RYR2: variants seen among roughly 807,000 people sequenced by gnomAD.
RYR2 encodes the protein cardiac muscle ryanodine receptor-calcium release channel.
RYR2 carries 227 observed loss-of-function variants against 601.1 expected under a neutral mutation model. The ratio of observed to expected loss-of-function variants is 0.38; its 90% CI spans 0.34 to 0.42. The LOEUF (loss-of-function observed/expected upper bound fraction) is 0.42, where lower values mean the gene tolerates loss of function less well. RYR2 is among the 10% of genes least tolerant of loss of function. RYR2 has a pLI of 1.00. For missense variants in RYR2, 4,646 were observed against 6,156.5 expected, an observed-to-expected ratio of 0.75 and a Z score of 8.21; for synonymous variants, 2,223 against 2,175.1, an observed-to-expected ratio of 1.02 and a Z score of -0.61.
intron 101 of RYR2, among the ~76,000 whole-genome samples, chr1:237,826,601 A>G (rs6673193): frequency 0.03 from 4,559 of 152,102 alleles, 219 homozygotes; most frequent in African/African-American, 0.1. Flanking sequence ...TGTGTAACAA[A>G]CCTGCACGTT....
In RYR2 at chr1:237,491,896, T is replaced by A; in HGVS notation, c.1799T>A (p.Leu600His). 8 of 1,381,390 alleles carry A rather than the reference T, an allele frequency of 5.8e-6. No individual in the cohort carries two copies. The highest frequency in any genetic ancestry group is 8.0e-6 in the Non-Finnish European group (8 of 994,720). The allele number at this position is 1,381,390 out of a possible 1,614,324, so 85.6% of individuals were successfully genotyped here. Residue 600 changes from leucine (L) to histidine (H), a missense_variant, in exon 18 of 105, where the codon CTT becomes CAT. Around this residue, in one of 17 missense-constraint regions of RYR2, gnomAD observed 1,807 missense variants for 2,088.1 expected, o/e 0.87. Transcript: ENST00000366574. ...KEGHIKSIISLLDKHGRNHKV... is the reference protein window; with the variant it reads ...KEGHIKSIISHLDKHGRNHKV... ...GGACATATTAAATCTATTATCTCAC[T>A]TTTAGACAAACATGGAAGAAATCAC... is the stretch of plus-strand genomic sequence containing the variant.
chr1:237,523,802 G>A (rs574669118), intron 24 of RYR2, among the ~76,000 whole-genome samples: 1 of 149,962 alleles, frequency 6.7e-6, no homozygotes, highest in East Asian at 1.9e-4. Context: ...GGCTAATAAA[G>A]TGCAATCAAG....
At chr1:237,745,780 C>T (rs756519926) in intron 80 of RYR2, among the ~76,000 whole-genome samples, 2 of 152,026 alleles carry the variant, frequency 1.3e-5, no homozygotes, top group African/African-American at 2.4e-5. Flanking sequence ...CAATTAATCC[C>T]AAAACAGAGG....
intron 17 of RYR2, among the ~76,000 whole-genome samples, chr1:237,485,206 TCA>T (rs1662551616): frequency 6.6e-6 from 1 of 152,252 alleles, no homozygotes; most frequent in Admixed American, 6.5e-5. Context: ...ATAAAGTATT[TCA>T]GTTATTCTAT....
chr1:237,339,640 ATG>A (rs1223222706), intron 3 of RYR2, among the ~76,000 whole-genome samples: 1 of 152,120 alleles, frequency 6.6e-6, no homozygotes, highest in Non-Finnish European at 1.5e-5. Context: ...AGGACACAAA[ATG>A]TCCAGAGGAA....
chr1:237,547,071 T>C (rs1278872897), intron 25 of RYR2, among the ~76,000 whole-genome samples: 1 of 150,824 alleles, frequency 6.6e-6, no homozygotes, highest in Non-Finnish European at 1.5e-5. Context: ...AGTGGCGTGA[T>C]CTCTCCTCAC....
chr1:237,102,041 A>T (rs1483782790), intron 1 of RYR2, among the ~76,000 whole-genome samples: 1 of 152,158 alleles, frequency 6.6e-6, no homozygotes, highest in African/African-American at 2.4e-5. Context: ...ATTGCTGTGG[A>T]CTGTGGTGTG....
At chr1:237,594,074 TGAG>T (rs1182359630) in intron 33 of RYR2, among the ~76,000 whole-genome samples, 3 of 152,214 alleles carry the variant, frequency 2.0e-5, no homozygotes, top group South Asian at 2.1e-4. Flanking sequence ...GAACTCGGAC[TGAG>T]GAGAAGTGGG....
At chr1:237,293,274 T>C (rs1248964338) in intron 2 of RYR2, among the ~76,000 whole-genome samples, 1 of 152,178 alleles carries the variant, frequency 6.6e-6, no homozygotes, top group East Asian at 1.9e-4. Flanking sequence ...TGACACAGAC[T>C]CAGCTCACTT....
At chr1:237,336,198 A>G (rs2149591295) in intron 3 of RYR2, among the ~76,000 whole-genome samples, 1 of 152,268 alleles carries the variant, frequency 6.6e-6, no homozygotes, top group Non-Finnish European at 1.5e-5. Flanking sequence ...ACTTTTTAGA[A>G]TCATTTCCAA....
rs532029439 is a variant in RYR2 at position 237,819,228 on chromosome 1, A to G, written c.14590+36A>G. 3.8e-6 allele frequency: 6 copies of G among 1,582,412 alleles called. No homozygotes were observed. In the South Asian group the frequency reaches 6.7e-5, roughly 18 times the overall value. On this transcript the variant is annotated intron_variant, in intron 101 of 104. Coordinates refer to ENST00000366574, the MANE Select transcript of RYR2 (RefSeq NM_001035.3). This position sits in a 1 kb window ranked among gnomAD's most constrained non-coding sequence, Gnocchi z 4.0. ...TCCTCACTGAAGCTGATGAACATCT[A>G]GAATTTGAGCCACATGTTGCTGAAG...
At chr1:237,204,255 C>G (rs533880642) in intron 1 of RYR2, among the ~76,000 whole-genome samples, 1 of 151,950 alleles carries the variant, frequency 6.6e-6, no homozygotes, top group Non-Finnish European at 1.5e-5. Flanking sequence ...GTGATCCACC[C>G]GCCTTGGCTT....
chr1:237,363,569 T>A (rs1241684716), intron 4 of RYR2, among the ~76,000 whole-genome samples: 1 of 152,106 alleles, frequency 6.6e-6, no homozygotes, highest in Non-Finnish European at 1.5e-5. Flanking sequence ...TGACAACAAA[T>A]TCAGCCCTAA....
chr1:237,689,976 C>G (rs1686793816), intron 63 of RYR2, among the ~76,000 whole-genome samples: 2 of 151,908 alleles, frequency 1.3e-5, no homozygotes, highest in African/African-American at 2.4e-5. Flanking sequence ...TCCCAAGTAG[C>G]TGGGATTACA....
intron 25 of RYR2, among the ~76,000 whole-genome samples, chr1:237,541,598 G>C (rs1353015928): frequency 6.6e-6 from 1 of 152,178 alleles, no homozygotes; most frequent in Non-Finnish European, 1.5e-5. Flanking sequence ...CGTGTGAAGA[G>C]ACCACCAAAC....
chr1:237,338,199 C>G (rs10925372), intron 3 of RYR2, among the ~76,000 whole-genome samples: 39,411 of 151,964 alleles, frequency 0.26, 5,399 homozygotes, highest in East Asian at 0.37. Flanking sequence ...AAATGGAAGT[C>G]AGAACAATCT....
intron 94 of RYR2, 53 bp downstream of exon 94, chr1:237,792,376 T>TGTGC (rs1658517699): frequency 1.3e-6 from 1 of 771,592 alleles, no homozygotes; most frequent in Non-Finnish European, 1.9e-6. Context: ...TGTGTGTGTG[T>TGTGC]GTGTGCGTGT....
At chr1:237,781,474 C>T in intron 88 of RYR2, 91 bp from the exon 89 acceptor site, 1 of 669,188 alleles carries the variant, frequency 1.5e-6, no homozygotes, top group Non-Finnish European at 2.7e-6. Flanking sequence ...CTATTTATTG[C>T]CAGAGCAGCA....
chr1:237,576,112 A>G (rs1361465448), intron 29 of RYR2, among the ~76,000 whole-genome samples: 3 of 152,184 alleles, frequency 2.0e-5, no homozygotes, highest in African/African-American at 7.2e-5. Flanking sequence ...AAGACTTATT[A>G]CCAAATAAAT....
Sources: allele counts gnomAD v4.1 joint callset (sites outside exome capture counted in the v4.1 genomes callset), GRCh38; gene constraint gnomAD v4.1.1; regional missense constraint gnomAD v4.1.1; non-coding constraint Gnocchi (gnomAD v3.1); transcripts MANE v1.5; gene names NCBI Gene and HGNC (gene_info 2026-07-23, HGNC 2026-07-21).